Variants in LRRTM4 observed in about 807,000 individuals in gnomAD.
LRRTM4 encodes leucine-rich repeat transmembrane neuronal protein 4.
A neutral mutation model predicts 47.6 loss-of-function variants in LRRTM4; 25 were observed. The observed-to-expected ratio is 0.53, with a 90% CI of 0.38 to 0.73. LRRTM4 has a LOEUF of 0.73. Among genes scored for constraint, LRRTM4 ranks in the 30% least tolerant of loss-of-function variants. LRRTM4 has a pLI of 0.00. For missense variants in LRRTM4, 638 were observed against 713.4 expected, an observed-to-expected ratio of 0.89 and a Z score of 1.20; for synonymous variants, 311 against 269.5, an observed-to-expected ratio of 1.15 and a Z score of -1.51.
chr2:77,456,996 G>GTGTGTA (rs1404320058), intron 3 of LRRTM4, among the ~76,000 whole-genome samples: 2 of 25,982 alleles, frequency 7.7e-5, no homozygotes, highest in Admixed American at 3.8e-4. Context: ...TAGTGTATGT[G>GTGTGTA]TGTGTGTGTA....
intron 3 of LRRTM4, among the ~76,000 whole-genome samples, chr2:77,052,245 C>T (rs1019553087): frequency 6.1e-5 from 9 of 146,550 alleles, no homozygotes; most frequent in African/African-American, 2.3e-4. Context: ...CTCAGCTCAC[C>T]ACAACCTCCG....
At chr2:77,196,117 T>C (rs1274913873) in intron 3 of LRRTM4, among the ~76,000 whole-genome samples, 1 of 152,192 alleles carries the variant, frequency 6.6e-6, no homozygotes, top group Non-Finnish European at 1.5e-5. Flanking sequence ...ATTTGTTTGG[T>C]TATTGTCATT....
chr2:77,082,585 G>A (rs1402675875), intron 3 of LRRTM4, among the ~76,000 whole-genome samples: 4 of 152,036 alleles, frequency 2.6e-5, no homozygotes, highest in Non-Finnish European at 5.9e-5. Flanking sequence ...GAAAACTGCT[G>A]TTAGCTTAAT....
chr2:77,489,871 T>C (rs1180759380), intron 3 of LRRTM4, among the ~76,000 whole-genome samples: 2 of 152,236 alleles, frequency 1.3e-5, no homozygotes, highest in African/African-American at 4.8e-5. Context: ...GGTTCAGTCT[T>C]GCTAACTTAT....
At chr2:77,409,941 T>A (rs1674354803) in intron 3 of LRRTM4, among the ~76,000 whole-genome samples, 1 of 152,160 alleles carries the variant, frequency 6.6e-6, no homozygotes, top group Non-Finnish European at 1.5e-5. Flanking sequence ...CAAGTAAACC[T>A]TGACCTAATT....
At chr2:76,783,007 CAT>C (rs139968451) in intron 3 of LRRTM4, among the ~76,000 whole-genome samples, 6 of 149,916 alleles carry the variant, frequency 4.0e-5, no homozygotes, top group South Asian at 2.1e-4. Context: ...CTTGTTCAGC[CAT>C]ATATATATAT....
intron 3 of LRRTM4, among the ~76,000 whole-genome samples, chr2:77,167,924 C>T (rs780551682): frequency 3.3e-5 from 5 of 151,966 alleles, no homozygotes; most frequent in Non-Finnish European, 5.9e-5. Flanking sequence ...ACGTTGTGCA[C>T]ATGTACCCTA....
chr2:77,456,037 C>A (rs59381121), intron 3 of LRRTM4, among the ~76,000 whole-genome samples: 6 of 152,038 alleles, frequency 3.9e-5, no homozygotes, highest in African/African-American at 1.5e-4. Context: ...TGTCAACATG[C>A]GTAAATCCCT....
At chr2:76,852,623 C>T (rs1160029250) in intron 3 of LRRTM4, among the ~76,000 whole-genome samples, 1 of 152,068 alleles carries the variant, frequency 6.6e-6, no homozygotes, top group Non-Finnish European at 1.5e-5. Flanking sequence ...CCATGTAGTA[C>T]ATTCATAATA....
At chr2:77,011,519 A>G (rs35038238) in intron 3 of LRRTM4, among the ~76,000 whole-genome samples, 57,828 of 149,634 alleles carry the variant, frequency 0.39, 11,488 homozygotes, top group East Asian at 0.52. Context: ...ACTGGCAACT[A>G]GGAAGAAGCA....
chr2:76,943,102 C>T (rs1230951834), intron 3 of LRRTM4, among the ~76,000 whole-genome samples: 1 of 152,126 alleles, frequency 6.6e-6, no homozygotes, highest in Non-Finnish European at 1.5e-5. Flanking sequence ...GTTTTTAGCC[C>T]TGCCTTCACA....
chr2:77,513,678 G>C (rs1160091805), intron 3 of LRRTM4, among the ~76,000 whole-genome samples: 1 of 151,948 alleles, frequency 6.6e-6, no homozygotes, highest in East Asian at 1.9e-4. Flanking sequence ...CGATTCTCTT[G>C]CCTCAACCTC....
intron 3 of LRRTM4, among the ~76,000 whole-genome samples, chr2:77,342,926 C>T (rs975259629): frequency 1.3e-5 from 2 of 152,060 alleles, no homozygotes; most frequent in African/African-American, 4.8e-5. Flanking sequence ...GGGCCATAAG[C>T]ACCTCTCTCA....
At chr2:76,784,959 C>A (rs1323626305) in intron 3 of LRRTM4, among the ~76,000 whole-genome samples, 1 of 152,078 alleles carries the variant, frequency 6.6e-6, no homozygotes, top group Non-Finnish European at 1.5e-5. Flanking sequence ...GATTGCACTT[C>A]AGAATGTATC....
chr2:77,394,175 G>T (rs1026969029), intron 3 of LRRTM4, among the ~76,000 whole-genome samples: 16 of 151,550 alleles, frequency 1.1e-4, no homozygotes, highest in African/African-American at 3.9e-4. Context: ...ATAAACAGCT[G>T]CTGAAAAAAA....
At chr2:77,187,190 C>T (rs1369674866) in intron 3 of LRRTM4, among the ~76,000 whole-genome samples, 2 of 152,118 alleles carry the variant, frequency 1.3e-5, no homozygotes, top group East Asian at 1.9e-4. Flanking sequence ...AAGCCCCATC[C>T]TTTTGCCTTG....
chr2:77,424,031 C>A (rs1675011076), intron 3 of LRRTM4, among the ~76,000 whole-genome samples: 1 of 151,910 alleles, frequency 6.6e-6, no homozygotes, highest in South Asian at 2.1e-4. Context: ...TCTAAATTAC[C>A]TATACATGTG....
intron 3 of LRRTM4, among the ~76,000 whole-genome samples, chr2:77,123,456 G>A (rs2103960083): frequency 6.6e-6 from 1 of 152,098 alleles, no homozygotes; most frequent in Non-Finnish European, 1.5e-5. Context: ...TTTCCCCCAT[G>A]TTTATGTATT....
At chr2:77,091,665 T>C (rs1405478906) in intron 3 of LRRTM4, among the ~76,000 whole-genome samples, 1 of 149,370 alleles carries the variant, frequency 6.7e-6, no homozygotes, top group East Asian at 2.0e-4. Context: ...AATCCCAGCC[T>C]CTCTTCGCTT....
Sources: gnomAD v4.1 joint callset for allele counts (sites outside exome capture counted in the v4.1 genomes callset) on GRCh38, gnomAD v4.1.1 for gene constraint, MANE v1.5 for transcripts, NCBI Gene and HGNC (gene_info 2026-07-23, HGNC 2026-07-21) for gene names.